The following WDR27 variants were observed in gnomAD, a reference collection of about 807,000 sequenced individuals.
WDR27 encodes WD repeat domain 27, also known as WD repeat-containing protein 27.
WDR27 carries 100 observed loss-of-function variants against 114.4 expected under a neutral mutation model. The observed-to-expected ratio is 0.87, with a 90% CI of 0.74 to 1.03. WDR27 has a LOEUF of 1.03. Among genes scored for constraint, WDR27 ranks in the 50% least tolerant of loss-of-function variants. The pLI is 0.00. For missense variants in WDR27, 1,129 were observed against 1,092.9 expected, an observed-to-expected ratio of 1.03 and a Z score of -0.47; for synonymous variants, 449 against 423.1, an observed-to-expected ratio of 1.06 and a Z score of -0.75.
chr6:169,646,209 T>G (rs2128235968), intron 16 of WDR27, among the ~76,000 whole-genome samples: 1 of 152,152 alleles, frequency 6.6e-6, no homozygotes, highest in African/African-American at 2.4e-5. Context: ...GGCGCTGCCT[T>G]TGTCATCCTC....
chr6:169,672,762 T>C (rs1779081064), intron 2 of WDR27, among the ~76,000 whole-genome samples: 1 of 152,138 alleles, frequency 6.6e-6, no homozygotes, highest in Non-Finnish European at 1.5e-5. Context: ...ATGAGGTCCC[T>C]GGGAAAACAA....
chr6:169,678,189 G>A (rs1364221143), intron 2 of WDR27, among the ~76,000 whole-genome samples: 5 of 152,200 alleles, frequency 3.3e-5, no homozygotes, highest in African/African-American at 9.7e-5. Context: ...TAGAAAAGCC[G>A]TAGGCACTCA....
At chr6:169,578,564 G>C (rs987511783) in intron 24 of WDR27, among the ~76,000 whole-genome samples, 1 of 152,170 alleles carries the variant, frequency 6.6e-6, no homozygotes, top group African/African-American at 2.4e-5. Flanking sequence ...CTCCCAGGGG[G>C]GCGAAAGTGC....
intron 25 of WDR27, among the ~76,000 whole-genome samples, chr6:169,498,197 G>C (rs1182360131): frequency 1.3e-5 from 2 of 152,050 alleles, no homozygotes; most frequent in Admixed American, 1.3e-4. Context: ...GAGGTACCTA[G>C]AGTGAAAATC....
intron 25 of WDR27, among the ~76,000 whole-genome samples, chr6:169,463,791 T>C (rs2115286082): frequency 6.6e-6 from 1 of 152,280 alleles, no homozygotes; most frequent in East Asian, 1.9e-4. Context: ...AACAATTCCA[T>C]TTAAAATAGC....
intron 21 of WDR27, among the ~76,000 whole-genome samples, chr6:169,630,989 C>T (rs16888272): frequency 0.012 from 1,837 of 152,254 alleles, 36 homozygotes; most frequent in African/African-American, 0.041. Context: ...GATCTTACTG[C>T]GAAATTAGTA....
At chr6:169,542,891 T>G (rs906861890) in intron 25 of WDR27, among the ~76,000 whole-genome samples, 1 of 152,086 alleles carries the variant, frequency 6.6e-6, no homozygotes, top group Non-Finnish European at 1.5e-5. Flanking sequence ...TTGAGTTAAT[T>G]CATTACATGA....
chr6:169,600,798 G>C (rs1452925995), intron 23 of WDR27, among the ~76,000 whole-genome samples: 1 of 152,212 alleles, frequency 6.6e-6, no homozygotes, highest in African/African-American at 2.4e-5. Flanking sequence ...AAGCCTCCAA[G>C]AAATATGGGA....
chr6:169,460,789 C>T (rs1162858020), intron 25 of WDR27, among the ~76,000 whole-genome samples: 1 of 152,170 alleles, frequency 6.6e-6, no homozygotes, highest in African/African-American at 2.4e-5. Flanking sequence ...TATACAAAAA[C>T]TTGGCCTTCC....
rs568346197 is a variant in WDR27 at position 169,659,661 on chromosome 6, C to T, written c.1130-143G>A. On this transcript the variant is annotated intron_variant, in intron 10 of 25. Transcript: ENST00000448612. The surrounding 1 kb of genome is among the most constrained non-coding windows in gnomAD (Gnocchi z 4.3). The stretch of plus-strand genomic sequence containing the variant: ...CCCACCACACACTTTGCAGGCTGTG[C>T]ACCACATCCTCACACATACAAGGCC... 128 of 733,410 alleles carry T rather than the reference C, an allele frequency of 1.7e-4. No homozygotes were observed. Among genetic ancestry groups the T allele is most frequent in the South Asian group, 1.2e-3 (72 of 60,422 alleles). The allele number at this position is 733,410 out of a possible 1,614,324, so 45.4% of individuals were successfully genotyped here.
intron 25 of WDR27, among the ~76,000 whole-genome samples, chr6:169,504,415 C>T (rs570753135): frequency 3.9e-4 from 60 of 152,106 alleles, no homozygotes; most frequent in African/African-American, 7.2e-4. Context: ...TTAAGTCTCT[C>T]AAGATCTGAT....
intron 1 of WDR27, among the ~76,000 whole-genome samples, chr6:169,700,367 G>C (rs1787570925): frequency 6.6e-6 from 1 of 152,154 alleles, no homozygotes; most frequent in African/African-American, 2.4e-5. Context: ...GCAGAGATCT[G>C]GTCACCAGAA....
At position 169,638,339 on chromosome 6, in the gene WDR27, A is replaced by AG. The variant is rs1562774584; in HGVS notation, c.1869+199_1869+200insC. On this transcript the variant is annotated intron_variant, in intron 18 of 25. Coordinates refer to ENST00000448612, the MANE Select transcript of WDR27 (RefSeq NM_182552.5). ...CTCCGTCTCAAAAAAAAAAAAAAAA[A>AG]AAAAAAAAAAAAGAAACTAATCAAT... Among the ~76,000 whole-genome samples, 42 of 78,342 alleles carry AG rather than the reference A, an allele frequency of 5.4e-4. 6 individuals carry two copies. In the East Asian group the frequency reaches 0.011, roughly 20 times the overall value. The allele number at this position is 78,342 out of a possible 152,430, so 51.4% of individuals were successfully genotyped here. A position where few individuals can be genotyped will look rare whatever the true frequency, so the allele number is the denominator to read the frequency against.
the WDR27 span, among the ~76,000 whole-genome samples, chr6:169,450,205 G>A: frequency 1.3e-5 from 2 of 152,170 alleles, no homozygotes; most frequent in Admixed American, 6.5e-5. Flanking sequence ...GAAGGAGTCC[G>A]ACAGCTGCCA....
chr6:169,544,976 T>A (rs1404950965), intron 25 of WDR27, among the ~76,000 whole-genome samples: 1 of 152,204 alleles, frequency 6.6e-6, no homozygotes, highest in Non-Finnish European at 1.5e-5. Context: ...AAATGTAAAT[T>A]CTCCCCTAGA....
At position 169,575,239 on chromosome 6, in the gene WDR27, T is replaced by TATGC. The variant is rs1554295636; in HGVS notation, c.2524-2700_2524-2699insGCAT. 1.3e-3 allele frequency among the ~76,000 whole-genome samples: 166 copies of TATGC among 131,108 alleles called. 11 individuals are homozygous for TATGC. The highest frequency in any genetic ancestry group is 2.1e-3 in the Non-Finnish European group (128 of 60,468). The allele number at this position is 131,108 out of a possible 152,430, so 86.0% of individuals were successfully genotyped here. On this transcript the variant is annotated intron_variant, in intron 24 of 25. Coordinates refer to ENST00000448612, the MANE Select transcript of WDR27 (RefSeq NM_182552.5). ...CCATCCATCCATCTCTCTCCCTCTC[T>TATGC]ATCCATCCATCCATCCCTCCTTCCC...
intron 25 of WDR27, among the ~76,000 whole-genome samples, chr6:169,571,948 A>G (rs916821379): frequency 6.6e-6 from 1 of 152,220 alleles, no homozygotes; most frequent in Non-Finnish European, 1.5e-5. Context: ...GAAATAACCC[A>G]GATATTGGCA....
chr6:169,568,885 A>T (rs1406433408), intron 25 of WDR27, among the ~76,000 whole-genome samples: 1 of 152,048 alleles, frequency 6.6e-6, no homozygotes, highest in Non-Finnish European at 1.5e-5. Context: ...CCCCTGTGCA[A>T]CTTCTCTGTG....
At chr6:169,428,938 G>A in the WDR27 span, among the ~76,000 whole-genome samples, 6 of 152,296 alleles carry the variant, frequency 3.9e-5, no homozygotes, top group African/African-American at 1.4e-4. Context: ...AGCCACGGTT[G>A]TCCTCACTGG....
Sources: allele counts gnomAD v4.1 joint callset (sites outside exome capture counted in the v4.1 genomes callset), GRCh38; gene constraint gnomAD v4.1.1; non-coding constraint Gnocchi (gnomAD v3.1); transcripts MANE v1.5; gene names NCBI Gene and HGNC (gene_info 2026-07-23, HGNC 2026-07-21).